Variants in ERN1 observed in about 807,000 individuals in gnomAD.
ERN1 encodes the protein serine/threonine-protein kinase/endoribonuclease IRE1.
ERN1 carries 39 observed loss-of-function variants against 113.1 expected under a neutral mutation model. That is an observed-to-expected ratio of 0.34 (90% CI 0.27 to 0.45). The LOEUF (loss-of-function observed/expected upper bound fraction) is 0.45. Ranked by LOEUF, ERN1 falls within the 20% of genes least tolerant of loss-of-function variation. The pLI, the probability that ERN1 is intolerant of heterozygous loss-of-function variation, is 1.00. For missense variants in ERN1, 976 were observed against 1,274.8 expected, an observed-to-expected ratio of 0.77 and a Z score of 3.57; for synonymous variants, 507 against 515.9, an observed-to-expected ratio of 0.98 and a Z score of 0.23.
intron 1 of ERN1, among the ~76,000 whole-genome samples, chr17:64,122,907 G>A (rs746835857): frequency 3.3e-5 from 5 of 152,142 alleles, no homozygotes; most frequent in African/African-American, 9.7e-5. Flanking sequence ...GTAAATTCAC[G>A]CCAAAGGGTG....
chr17:64,121,804 C>T (rs528187171), intron 1 of ERN1, among the ~76,000 whole-genome samples: 1 of 152,240 alleles, frequency 6.6e-6, no homozygotes, highest in South Asian at 2.1e-4. Flanking sequence ...CTTTTAATCC[C>T]TACTCTCTCC....
At chr17:64,057,043 C>T (rs1278247197) in intron 12 of ERN1, among the ~76,000 whole-genome samples, 1 of 152,180 alleles carries the variant, frequency 6.6e-6, no homozygotes, top group African/African-American at 2.4e-5. Flanking sequence ...AGAACTTGCT[C>T]ATTTCCAACT....
intron 1 of ERN1, among the ~76,000 whole-genome samples, chr17:64,103,722 G>A (rs1451596459): frequency 6.6e-6 from 1 of 151,894 alleles, no homozygotes; most frequent in Non-Finnish European, 1.5e-5. Context: ...ATATATTTCA[G>A]GTAAGAAAAA....
At chr17:64,065,666 G>C (rs1011410588) in intron 8 of ERN1, among the ~76,000 whole-genome samples, 9 of 150,388 alleles carry the variant, frequency 6.0e-5, no homozygotes, top group African/African-American at 1.7e-4. Context: ...TCACTCCAGC[G>C]ATCACTCCAG....
In ERN1 at chr17:64,068,430, A is replaced by G. The variant is rs1048004062; in HGVS notation, c.479-139T>C. On this transcript the variant is annotated intron_variant, in intron 6 of 21. Coordinates refer to ENST00000433197, the MANE Select transcript of ERN1 (RefSeq NM_001433.5). ...GTCCAGACTATCCATGTCGATAGAG[A>G]AAGGCAATGTGAGGAGAACTGAAGG... 99 of 644,866 alleles carry G rather than the reference A, an allele frequency of 1.5e-4. No homozygotes were observed. In the African/African-American group the frequency reaches 1.7e-3, roughly 11 times the overall value. 39.9% of individuals were successfully genotyped at this position (644,866 alleles called of 1,614,324 possible).
At chr17:64,073,981 G>T (rs536993854) in intron 5 of ERN1, among the ~76,000 whole-genome samples, 1 of 152,198 alleles carries the variant, frequency 6.6e-6, no homozygotes, top group East Asian at 1.9e-4. Flanking sequence ...AGTTCTAACA[G>T]ATGTTGCATA....
chr17:64,062,259 G>A (rs931468583), intron 10 of ERN1, among the ~76,000 whole-genome samples: 2 of 152,238 alleles, frequency 1.3e-5, no homozygotes, highest in Non-Finnish European at 2.9e-5. Context: ...CATGGCTTTG[G>A]GGCAACCCAC....
At chr17:64,119,322 T>C (rs77662653) in intron 1 of ERN1, among the ~76,000 whole-genome samples, 3 of 151,420 alleles carry the variant, frequency 2.0e-5, no homozygotes, top group Non-Finnish European at 2.9e-5. Context: ...TCTTTAAAAG[T>C]TGAATGATAT....
At chr17:64,068,911 T>C (rs2143382407) in intron 6 of ERN1, among the ~76,000 whole-genome samples, 1 of 152,346 alleles carries the variant, frequency 6.6e-6, no homozygotes, top group East Asian at 1.9e-4. Flanking sequence ...CAGAAAATGT[T>C]GAATGGTTTC....
chr17:64,073,862 T>G (rs935586876), intron 5 of ERN1, among the ~76,000 whole-genome samples: 1 of 152,198 alleles, frequency 6.6e-6, no homozygotes, highest in Non-Finnish European at 1.5e-5. Context: ...CAGGCTAGTT[T>G]CAAACTCCTG....
Position 64,119,376 on chromosome 17 carries a change from G to GTTGTTTTTTTTTTTTTT in ERN1, c.54+10599_54+10600insAAAAAAAAAAAAAACAA, listed in dbSNP as rs777806993. 1.7e-4 allele frequency among the ~76,000 whole-genome samples: 13 copies of GTTGTTTTTTTTTTTTTT among 77,896 alleles called. 1 individual carries two copies. Among genetic ancestry groups the GTTGTTTTTTTTTTTTTT allele is most frequent in the African/African-American group, 6.1e-4 (11 of 17,930 alleles). The allele number at this position is 77,896 out of a possible 152,430, so 51.1% of individuals were successfully genotyped here. ...TAATATTAGGTTCCTTTTTTTCTAG[G>GTTGTTTTTTTTTTTTTT]TTTTTTTTTTTTTTTTTTTTTTTTT... On this transcript the variant is annotated intron_variant, in intron 1 of 21. Coordinates refer to ENST00000433197, the MANE Select transcript of ERN1 (RefSeq NM_001433.5).
Position 64,043,714 on chromosome 17 carries a change from T to C in ERN1, c.*274A>G. 2.8e-6 allele frequency: 1 copy of C among 357,328 alleles called. No individual in the cohort carries two copies. 22.1% of individuals were successfully genotyped at this position (357,328 alleles called of 1,614,324 possible). A position where few individuals can be genotyped will look rare whatever the true frequency, so the allele number is the denominator to read the frequency against. ...TTATCCAGTAGATGGCTGGGGGTGCTACTCGCGCTGTCTCTGAGGCCCTCC... is the reference window on the plus strand; with the variant it reads ...TTATCCAGTAGATGGCTGGGGGTGCCACTCGCGCTGTCTCTGAGGCCCTCC... On this transcript the variant is annotated 3_prime_UTR_variant, in exon 22 of 22. Coordinates refer to ENST00000433197, the MANE Select transcript of ERN1 (RefSeq NM_001433.5).
intron 19 of ERN1, among the ~76,000 whole-genome samples, chr17:64,047,081 G>C (rs191711716): frequency 6.6e-6 from 1 of 152,328 alleles, no homozygotes; most frequent in African/African-American, 2.4e-5. Flanking sequence ...CACTTGGGCT[G>C]GGCCTGGTGG....
At chr17:64,122,087 C>T (rs1041289468) in intron 1 of ERN1, among the ~76,000 whole-genome samples, 2 of 152,218 alleles carry the variant, frequency 1.3e-5, no homozygotes, top group African/African-American at 4.8e-5. Context: ...GGTAGCCAGA[C>T]TGGTTTGTCC....
Position 64,057,798 on chromosome 17 carries a change from T to C in ERN1, c.1398+4A>G. ...GATGGCAAAGGGGAATTGTTGAGCT[T>C]TACCAGGGGATAGGTGATGATGAAG... On this transcript the variant is annotated splice_donor_region_variant and intron_variant, in intron 12 of 21. Coordinates refer to ENST00000433197, the MANE Select transcript of ERN1 (RefSeq NM_001433.5). 6.2e-7 allele frequency: 1 copy of C among 1,613,112 alleles called. No individual in the cohort carries two copies. Among genetic ancestry groups the C allele is most frequent in the Non-Finnish European group, 8.5e-7 (1 of 1,179,718 alleles).
chr17:64,078,300 T>C (rs138495055), intron 4 of ERN1, among the ~76,000 whole-genome samples: 239 of 152,352 alleles, frequency 1.6e-3, no homozygotes, highest in African/African-American at 5.4e-3. Flanking sequence ...TCTTTTCATA[T>C]GTTTATGACC....
chr17:64,124,479 G>A (rs1250206868), intron 1 of ERN1, among the ~76,000 whole-genome samples: 1 of 152,188 alleles, frequency 6.6e-6, no homozygotes, highest in African/African-American at 2.4e-5. Context: ...ATGGGGATGG[G>A]TCTTTCCCGT....
At chr17:64,116,956 A>C (rs1354100001) in intron 1 of ERN1, among the ~76,000 whole-genome samples, 2 of 151,094 alleles carry the variant, frequency 1.3e-5, no homozygotes, top group Non-Finnish European at 3.0e-5. Flanking sequence ...TACAAAAAAA[A>C]AAAAAAAAAG....
chr17:64,068,020 G>A, intron 7 of ERN1, 170 bp downstream of exon 7: 1 of 575,088 alleles, frequency 1.7e-6, no homozygotes, highest in Admixed American at 3.0e-5. Flanking sequence ...CAAGGCCCCT[G>A]CACATTGACT....
Sources: gnomAD v4.1 joint callset for allele counts (sites outside exome capture counted in the v4.1 genomes callset) on GRCh38, gnomAD v4.1.1 for gene constraint, MANE v1.5 for transcripts, NCBI Gene and HGNC (gene_info 2026-07-23, HGNC 2026-07-21) for gene names.